SLC6A11: variants seen among roughly 807,000 people sequenced by gnomAD.
SLC6A11 encodes sodium- and chloride-dependent GABA transporter 3.
SLC6A11 carries 25 observed loss-of-function variants against 74.8 expected under a neutral mutation model. The ratio of observed to expected loss-of-function variants is 0.33; its 90% CI spans 0.24 to 0.47. The LOEUF is 0.47. Among genes scored for constraint, SLC6A11 ranks in the 20% least tolerant of loss-of-function variants. SLC6A11 has a pLI of 1.00. For synonymous variants in SLC6A11, 330 were observed against 330.2 expected (o/e 1.00, Z 0.01); for missense variants, 574 against 837.0 (o/e 0.69, Z 3.88).
intron 6 of SLC6A11, among the ~76,000 whole-genome samples, chr3:10,899,257 A>G (rs1695208181): frequency 6.6e-6 from 1 of 152,180 alleles, no homozygotes; most frequent in Non-Finnish European, 1.5e-5. Context: ...AGCTCATCCC[A>G]GGACTGGAGT....
intron 8 of SLC6A11, among the ~76,000 whole-genome samples, chr3:10,921,437 T>C (rs963496870): frequency 1.3e-5 from 2 of 152,218 alleles, no homozygotes; most frequent in African/African-American, 4.8e-5. Flanking sequence ...TGACATATAG[T>C]CTTGGTCCAA....
At chr3:10,912,923 T>C (rs561946593) in intron 7 of SLC6A11, among the ~76,000 whole-genome samples, 1 of 152,190 alleles carries the variant, frequency 6.6e-6, no homozygotes, top group South Asian at 2.1e-4. Flanking sequence ...TAGGTTAATA[T>C]TTCATGGTAG....
chr3:10,873,689 CATCCTATCCTATCCT>C (rs796960855), intron 5 of SLC6A11, among the ~76,000 whole-genome samples: 4,935 of 134,630 alleles, frequency 0.037, 309 homozygotes, highest in African/African-American at 0.13. Flanking sequence ...TATCCCGTCC[CATCCTATCCTATCCT>C]ATCCTATCCT....
chr3:10,855,773 A>G (rs1694631836), intron 5 of SLC6A11, among the ~76,000 whole-genome samples: 1 of 152,194 alleles, frequency 6.6e-6, no homozygotes, highest in Non-Finnish European at 1.5e-5. Flanking sequence ...GAGGGGTGAA[A>G]TGTGGATAGT....
chr3:10,843,468 CT>C (rs1694463781), intron 4 of SLC6A11, among the ~76,000 whole-genome samples: 1 of 152,174 alleles, frequency 6.6e-6, no homozygotes, highest in Non-Finnish European at 1.5e-5. Context: ...CCACTTCCTT[CT>C]TCTTCTGACC....
intron 6 of SLC6A11, among the ~76,000 whole-genome samples, chr3:10,887,802 G>A (rs1695062921): frequency 1.3e-5 from 2 of 152,220 alleles, no homozygotes; most frequent in Admixed American, 1.3e-4. Context: ...TTTTCAGAAA[G>A]AAGCAAAGAT....
At chr3:10,868,620 C>A (rs1181268094) in intron 5 of SLC6A11, among the ~76,000 whole-genome samples, 1 of 152,196 alleles carries the variant, frequency 6.6e-6, no homozygotes, top group Non-Finnish European at 1.5e-5. Context: ...ACAGATTAGA[C>A]CCTCCTTTCT....
chr3:10,864,341 G>T (rs1353544518), intron 5 of SLC6A11, among the ~76,000 whole-genome samples: 1 of 151,418 alleles, frequency 6.6e-6, no homozygotes, highest in Non-Finnish European at 1.5e-5. Context: ...ACCTCTCAGG[G>T]TTGGGAGGGG....
intron 13 of SLC6A11, among the ~76,000 whole-genome samples, chr3:10,936,257 T>A (rs1407152852): frequency 1.3e-5 from 2 of 152,232 alleles, no homozygotes; most frequent in Non-Finnish European, 2.9e-5. Flanking sequence ...ACTGAAGTAC[T>A]GAGAAGTGAA....
At chr3:10,902,769 G>A (rs1695256350) in intron 6 of SLC6A11, among the ~76,000 whole-genome samples, 2 of 152,192 alleles carry the variant, frequency 1.3e-5, no homozygotes, top group African/African-American at 4.8e-5. Flanking sequence ...TGGTGTTTCA[G>A]TGCCTTCTTC....
At chr3:10,858,335 C>T (rs1245648575) in intron 5 of SLC6A11, among the ~76,000 whole-genome samples, 2 of 152,180 alleles carry the variant, frequency 1.3e-5, no homozygotes, top group Non-Finnish European at 2.9e-5. Context: ...TAGCTTCTCA[C>T]TCGAATAATT....
intron 5 of SLC6A11, 61 bp downstream of exon 5, chr3:10,844,407 C>A: frequency 5.6e-6 from 9 of 1,602,676 alleles, no homozygotes; most frequent in Non-Finnish European, 7.7e-6. Context: ...TCACAGATGA[C>A]CTAGAGAGTA....
At chr3:10,934,636 G>A (rs1695734937) in intron 12 of SLC6A11, among the ~76,000 whole-genome samples, 2 of 152,248 alleles carry the variant, frequency 1.3e-5, no homozygotes, top group Admixed American at 6.5e-5. Flanking sequence ...TCTTGGCACT[G>A]GAAGTAACTC....
At position 10,940,386 on chromosome 3, in the gene SLC6A11, G is replaced by A. The variant is rs1269830845; in HGVS notation, c.*1984G>A. ...TCCGCCATCGCCGACACACACACAC[G>A]TCGTAATGTGGCTAACGCTTGACTC... is the stretch of plus-strand genomic sequence containing the variant. On this transcript the variant is annotated 3_prime_UTR_variant, in exon 14 of 14. Transcript: ENST00000254488. 1.4e-5 allele frequency: 2 copies of A among 140,462 alleles called. No homozygotes were observed. Among genetic ancestry groups the A allele is most frequent in the African/African-American group, 2.7e-5 (1 of 36,788 alleles). The allele number at this position is 140,462 out of a possible 1,614,324, so 8.7% of individuals were successfully genotyped here.
chr3:10,859,450 C>T (rs1259552699), intron 5 of SLC6A11, among the ~76,000 whole-genome samples: 2 of 152,036 alleles, frequency 1.3e-5, no homozygotes, highest in Non-Finnish European at 2.9e-5. Context: ...TGCAAGTAGA[C>T]CCATTAATGT....
Position 10,880,002 on chromosome 3 carries a change from A to T in SLC6A11, c.891+4907A>T, listed in dbSNP as rs137891738. On this transcript the variant is annotated intron_variant, in intron 6 of 13. Coordinates refer to ENST00000254488, the MANE Select transcript of SLC6A11 (RefSeq NM_014229.3). Reference sequence around the variant, plus strand: ...AAAGGCAAATGTTCAAAAAATATTTAAAAAAAGCATGGACATGACAAATGT... The same window carrying T: ...AAAGGCAAATGTTCAAAAAATATTTTAAAAAAGCATGGACATGACAAATGT... Among the ~76,000 whole-genome samples, 320 of 152,310 alleles carry T rather than the reference A, an allele frequency of 2.1e-3. 1 individual carries two copies. The highest frequency in any genetic ancestry group is 6.7e-3 in the African/African-American group (280 of 41,564).
At chr3:10,849,812 A>C (rs1374444195) in intron 5 of SLC6A11, among the ~76,000 whole-genome samples, 3 of 150,762 alleles carry the variant, frequency 2.0e-5, no homozygotes, top group Non-Finnish European at 4.4e-5. Flanking sequence ...AAAAAAAAAA[A>C]AAAAAAAAAA....
intron 5 of SLC6A11, among the ~76,000 whole-genome samples, chr3:10,854,075 A>G (rs910750071): frequency 6.6e-6 from 1 of 152,246 alleles, no homozygotes; most frequent in Non-Finnish European, 1.5e-5. Context: ...AAAATTGTCC[A>G]AACAATATTT....
intron 1 of SLC6A11, among the ~76,000 whole-genome samples, chr3:10,817,048 C>T (rs1421389544): frequency 6.6e-6 from 1 of 152,304 alleles, no homozygotes; most frequent in Non-Finnish European, 1.5e-5. Context: ...AGAAGTCTCA[C>T]TCGACCAAAA....
Sources: gnomAD v4.1 joint callset for allele counts (sites outside exome capture counted in the v4.1 genomes callset) on GRCh38, gnomAD v4.1.1 for gene constraint, MANE v1.5 for transcripts, NCBI Gene and HGNC (gene_info 2026-07-23, HGNC 2026-07-21) for gene names.